The following MAP6 variants were observed in gnomAD, a reference collection of about 807,000 sequenced individuals.
MAP6 encodes microtubule associated protein 6.
In MAP6, 26 loss-of-function variants were observed where a neutral mutation model predicts 42.4. The ratio of observed to expected loss-of-function variants is 0.61; its 90% CI spans 0.45 to 0.85. MAP6 has a LOEUF of 0.85. Ranked by LOEUF, MAP6 falls within the 40% of genes least tolerant of loss-of-function variation. The probability of loss-of-function intolerance (pLI) is 0.00; values close to 1 mark genes in which losing one functional copy is unlikely to be tolerated. For missense variants in MAP6, 966 were observed against 1,099.0 expected (o/e 0.88, Z 1.71); for synonymous variants, 418 against 443.8 (o/e 0.94, Z 0.73).
intron 1 of MAP6, among the ~76,000 whole-genome samples, chr11:75,626,767 A>G (rs1481528486): frequency 6.6e-6 from 1 of 152,204 alleles, no homozygotes; most frequent in East Asian, 1.9e-4. Flanking sequence ...CTAAGCTCAG[A>G]GAGGTGAGGT....
At chr11:75,663,047 C>T (rs1943883143) in intron 1 of MAP6, among the ~76,000 whole-genome samples, 1 of 151,800 alleles carries the variant, frequency 6.6e-6, no homozygotes, top group Non-Finnish European at 1.5e-5. Context: ...CTGCAACCTC[C>T]GCCTCCCAGG....
chr11:75,601,471 A>G (rs1270140787), intron 3 of MAP6, among the ~76,000 whole-genome samples: 2 of 152,160 alleles, frequency 1.3e-5, no homozygotes, highest in African/African-American at 4.8e-5. Context: ...TCATCTGGAA[A>G]ACAAATACAT....
chr11:75,588,328 G>C, intron 3 of MAP6, 144 bp from the exon 4 acceptor site: 1 of 472,070 alleles, frequency 2.1e-6, no homozygotes, highest in Non-Finnish European at 3.7e-6. Flanking sequence ...TGATTTCTGT[G>C]TTCTTAGTAC....
At chr11:75,597,053 C>T (rs1160736216) in intron 3 of MAP6, 2 of 152,280 alleles carry the variant, frequency 1.3e-5, no homozygotes, top group Non-Finnish European at 2.9e-5. Flanking sequence ...CCTTAATCAC[C>T]GAGTTCTGAT....
chr11:75,592,134 G>A (rs1021875636), intron 3 of MAP6, among the ~76,000 whole-genome samples: 1 of 152,194 alleles, frequency 6.6e-6, no homozygotes, highest in African/African-American at 2.4e-5. Flanking sequence ...TCTTTGTCAA[G>A]GCCCTGCCTG....
chr11:75,616,855 A>T lies in MAP6; in HGVS notation c.906-8533T>A, dbSNP rs2135602494. 2.0e-5 allele frequency among the ~76,000 whole-genome samples: 3 copies of T among 152,364 alleles called. No individual in the cohort carries two copies. In the South Asian group the frequency reaches 6.2e-4, roughly 32 times the overall value. Reference sequence around the variant, plus strand: ...TCATTTTTCTCCTCCGTTAATATCCAGTAAGTACATGTATACCACGGATGA... The same window carrying T: ...TCATTTTTCTCCTCCGTTAATATCCTGTAAGTACATGTATACCACGGATGA... On this transcript the variant is annotated intron_variant, in intron 1 of 3. Transcript: ENST00000304771.
intron 1 of MAP6, among the ~76,000 whole-genome samples, chr11:75,661,933 C>T (rs1018784617): frequency 1.3e-5 from 2 of 151,990 alleles, no homozygotes; most frequent in African/African-American, 2.4e-5. Flanking sequence ...AGTCTACAAA[C>T]AAAACTAATT....
At chr11:75,603,098 G>T in intron 3 of MAP6, 1 of 985,644 alleles carries the variant, frequency 1.0e-6, no homozygotes, top group Non-Finnish European at 1.2e-6. Context: ...CTTCCTGTCT[G>T]CCTCAGAGAG....
intron 3 of MAP6, chr11:75,603,367 C>T (rs1055687155): frequency 2.2e-5 from 22 of 985,554 alleles, no homozygotes; most frequent in East Asian, 2.3e-4. Context: ...TCATTCAGTA[C>T]GTTTGGGATA....
At chr11:75,588,600 C>T (rs1942414688) in intron 3 of MAP6, among the ~76,000 whole-genome samples, 1 of 152,074 alleles carries the variant, frequency 6.6e-6, no homozygotes, top group Non-Finnish European at 1.5e-5. Context: ...CCACCAGATG[C>T]CCCCACAGGC....
chr11:75,658,190 T>C (rs1943783778), intron 1 of MAP6, among the ~76,000 whole-genome samples: 1 of 152,200 alleles, frequency 6.6e-6, no homozygotes, highest in African/African-American at 2.4e-5. Context: ...AGAATGGAAT[T>C]TCTGGGTCAT....
chr11:75,667,345 G>A lies in MAP6; in HGVS notation c.905+120C>T. On this transcript the variant is annotated intron_variant, in intron 1 of 3. Transcript: ENST00000304771. This position sits in a 1 kb window ranked among gnomAD's most constrained non-coding sequence, Gnocchi z 5.6. ...CCTGGGAGGCGGCTGGGGAGAGGGT[G>A]TGGCCTGGGACTGGAGGGAGGCTGC... 1.1e-6 allele frequency: 1 copy of A among 941,960 alleles called. No individual in the cohort carries two copies. Among genetic ancestry groups the A allele is most frequent in the Non-Finnish European group, 1.5e-6 (1 of 686,344 alleles). The allele number at this position is 941,960 out of a possible 1,614,324, so 58.4% of individuals were successfully genotyped here.
At chr11:75,653,041 C>T (rs1239013891) in intron 1 of MAP6, among the ~76,000 whole-genome samples, 2 of 151,968 alleles carry the variant, frequency 1.3e-5, no homozygotes, top group Admixed American at 6.6e-5. Context: ...TTTTCTCTCC[C>T]TGTACCCTCT....
intron 3 of MAP6, chr11:75,597,049 T>A (rs1942590438): frequency 6.6e-6 from 1 of 152,226 alleles, no homozygotes; most frequent in Non-Finnish European, 1.5e-5. Flanking sequence ...TGTTCCTTAA[T>A]CACCGAGTTC....
intron 3 of MAP6, chr11:75,602,791 C>T (rs530647900): frequency 2.8e-4 from 274 of 980,456 alleles, no homozygotes; most frequent in Non-Finnish European, 3.2e-4. Flanking sequence ...CAGAGAATGG[C>T]TCAAATGCAA....
At chr11:75,605,407 C>T in intron 3 of MAP6, 2 of 997,156 alleles carry the variant, frequency 2.0e-6, no homozygotes, top group Non-Finnish European at 2.4e-6. Context: ...ACACATGTAC[C>T]TAAAGTTCAA....
intron 1 of MAP6, among the ~76,000 whole-genome samples, chr11:75,629,960 T>A (rs1220396877): frequency 6.6e-6 from 1 of 152,164 alleles, no homozygotes; most frequent in Non-Finnish European, 1.5e-5. Context: ...TCCACCACAA[T>A]AAGTAACTAC....
At chr11:75,653,364 C>G (rs1346820036) in intron 1 of MAP6, among the ~76,000 whole-genome samples, 2 of 152,170 alleles carry the variant, frequency 1.3e-5, no homozygotes, top group African/African-American at 4.8e-5. Flanking sequence ...TGAGGAGATG[C>G]AGGCATAATG....
At chr11:75,637,403 T>C (rs1943386931) in intron 1 of MAP6, among the ~76,000 whole-genome samples, 1 of 152,186 alleles carries the variant, frequency 6.6e-6, no homozygotes, top group South Asian at 2.1e-4. Flanking sequence ...TAAATAAACA[T>C]TTAAAAGGGC....
Sources: gnomAD v4.1 joint callset for allele counts (sites outside exome capture counted in the v4.1 genomes callset) on GRCh38, gnomAD v4.1.1 for gene constraint, Gnocchi (gnomAD v3.1) non-coding constraint, MANE v1.5 for transcripts, NCBI Gene and HGNC (gene_info 2026-07-23, HGNC 2026-07-21) for gene names.